Variants in KCTD9 observed in about 807,000 individuals in gnomAD.
The protein encoded by KCTD9 is potassium channel tetramerization domain containing 9, also known as BTB/POZ domain-containing protein KCTD9.
In KCTD9, 17 loss-of-function variants were observed where a neutral mutation model predicts 53.3. That is an observed-to-expected ratio of 0.32 (90% CI 0.22 to 0.48). The LOEUF is 0.48. KCTD9 is among the 20% of genes least tolerant of loss of function. The probability of loss-of-function intolerance (pLI) is 0.99; values close to 1 mark genes in which losing one functional copy is unlikely to be tolerated. For synonymous variants in KCTD9, 128 were observed against 162.7 expected (o/e 0.79, Z 1.62); for missense variants, 179 against 465.5 (o/e 0.38, Z 5.66).
chr8:25,448,006 TAGTCTTA>T (rs1413184023), intron 1 of KCTD9, among the ~76,000 whole-genome samples: 4 of 152,040 alleles, frequency 2.6e-5, no homozygotes. Context: ...CACATGCCTG[TAGTCTTA>T]GCTGCTTGGG....
intron 6 of KCTD9, among the ~76,000 whole-genome samples, chr8:25,436,808 A>G (rs1435348362): frequency 6.6e-6 from 1 of 152,218 alleles, no homozygotes; most frequent in Non-Finnish European, 1.5e-5. Context: ...AAAAAAATGT[A>G]CATCCTTTAC....
rs377317200 is a variant in KCTD9 at position 25,436,190 on chromosome 8, T to C, written c.663+45A>G. On this transcript the variant is annotated intron_variant, in intron 8 of 11. Transcript: ENST00000221200. ...CTAGAAGAATGTAAAATTTTATTCA[T>C]AGATTTGCTGATAGAAATAATTGAT... 245 of 1,179,174 alleles carry C rather than the reference T, an allele frequency of 2.1e-4. 2 individuals carry two copies. Among genetic ancestry groups the C allele is most frequent in the Non-Finnish European group, 2.5e-4 (199 of 788,056 alleles). 73.0% of individuals were successfully genotyped at this position (1,179,174 alleles called of 1,614,324 possible).
chr8:25,439,803 A>AAAACG, intron 4 of KCTD9, 139 bp from the exon 5 acceptor site: 1 of 1,482,018 alleles, frequency 6.7e-7, no homozygotes, highest in Non-Finnish European at 9.0e-7. Context: ...CTGGGAAACA[A>AAAACG]AAACGTGCAG....
At chr8:25,434,441 CTT>C (rs11309645) in intron 9 of KCTD9, among the ~76,000 whole-genome samples, 2 of 149,058 alleles carry the variant, frequency 1.3e-5, no homozygotes, top group African/African-American at 2.5e-5. Context: ...TGACAAACAT[CTT>C]TTTTTTTTTG....
chr8:25,444,644 T>C (rs375271334), intron 2 of KCTD9, among the ~76,000 whole-genome samples: 5 of 152,172 alleles, frequency 3.3e-5, no homozygotes, highest in South Asian at 2.1e-4. Flanking sequence ...GCTGAAAGGA[T>C]AGATTAAAGT....
intron 1 of KCTD9, among the ~76,000 whole-genome samples, chr8:25,453,155 G>GAGATCA (rs1802362133): frequency 6.6e-6 from 1 of 152,076 alleles, no homozygotes; most frequent in East Asian, 1.9e-4. Context: ...GAGGTCAGCC[G>GAGATCA]AGACCAGCCT....
intron 11 of KCTD9, among the ~76,000 whole-genome samples, chr8:25,431,807 A>G (rs1801935558): frequency 6.6e-6 from 1 of 152,170 alleles, no homozygotes. Flanking sequence ...CTAAATTTTG[A>G]CATACCGTTC....
At chr8:25,444,779 T>C (rs372094257) in intron 2 of KCTD9, among the ~76,000 whole-genome samples, 2 of 152,184 alleles carry the variant, frequency 1.3e-5, no homozygotes, top group East Asian at 3.8e-4. Flanking sequence ...GTAACTCTAC[T>C]GTCAGTGTTT....
In KCTD9 at chr8:25,439,678, G is replaced by GA. The variant is rs773748570; in HGVS notation, c.312-15dup. ...ACTAAAGTGCTCCTAAGAATTCAGG[G>GA]AAAAAAATTGATTTCTCCATTTGTC... On this transcript the variant is annotated splice_polypyrimidine_tract_variant and intron_variant, in intron 4 of 11. Coordinates refer to ENST00000221200, the MANE Select transcript of KCTD9 (RefSeq NM_017634.4). The GA allele has an allele frequency of 3.1e-6, 5 of 1,613,194 alleles. No homozygotes were observed. The highest frequency in any genetic ancestry group is 2.2e-5 in the South Asian group (2 of 90,988).
At chr8:25,444,158 A>G in intron 3 of KCTD9, 134 bp downstream of exon 3, 2 of 789,086 alleles carry the variant, frequency 2.5e-6, no homozygotes, top group South Asian at 3.3e-5. Context: ...TGCAGAATCA[A>G]AAAGTGTGAA....
Position 25,429,738 on chromosome 8 carries a change from G to A in KCTD9, c.*119C>T, listed in dbSNP as rs774603158. ...TCAAAACAAGCATAATCCTCTAAAT[G>A]TTTTTTTTTTAAATTTCCTTACAGT... is the stretch of plus-strand genomic sequence containing the variant. On this transcript the variant is annotated 3_prime_UTR_variant, in exon 12 of 12. Transcript: ENST00000221200. 3.2e-6 allele frequency: 2 copies of A among 631,692 alleles called. No individual in the cohort carries two copies. The highest frequency in any genetic ancestry group is 5.8e-6 in the Non-Finnish European group (2 of 346,856). 39.1% of individuals were successfully genotyped at this position (631,692 alleles called of 1,614,324 possible).
At position 25,458,405 on chromosome 8, in the gene KCTD9, G is replaced by T; in HGVS notation, c.-159C>A. The T allele has an allele frequency of 1.3e-6, 1 of 784,940 alleles. No homozygotes were observed. The highest frequency in any genetic ancestry group is 2.1e-6 in the Non-Finnish European group (1 of 473,326). The allele number at this position is 784,940 out of a possible 1,614,324, so 48.6% of individuals were successfully genotyped here. A position where few individuals can be genotyped will look rare whatever the true frequency, so the allele number is the denominator to read the frequency against. ...GGGACACACCACACGCACGCACTCT[G>T]TCCCACACCCAAGGTTCGGCCGGTC... is the stretch of plus-strand genomic sequence containing the variant. On this transcript the variant is annotated 5_prime_UTR_variant, in exon 1 of 12. Coordinates refer to ENST00000221200, the MANE Select transcript of KCTD9 (RefSeq NM_017634.4).
chr8:25,440,529 A>G (rs1802103230), intron 4 of KCTD9, 48 bp downstream of exon 4: 3 of 1,190,784 alleles, frequency 2.5e-6, no homozygotes, highest in Admixed American at 1.7e-5. Context: ...AAGGGTACAC[A>G]GTGCTTCTTT....
chr8:25,436,152 T>A (rs947245315), intron 8 of KCTD9, 83 bp downstream of exon 8: 1 of 875,458 alleles, frequency 1.1e-6, no homozygotes, highest in African/African-American at 1.7e-5. Context: ...CAAAGCAAGA[T>A]AATCCCAAAA....
intron 2 of KCTD9, among the ~76,000 whole-genome samples, chr8:25,444,655 C>T (rs555030091): frequency 6.6e-6 from 1 of 152,282 alleles, no homozygotes; most frequent in African/African-American, 2.4e-5. Context: ...AGATTAAAGT[C>T]ACAGCCAACT....
intron 6 of KCTD9, among the ~76,000 whole-genome samples, chr8:25,438,039 G>GA (rs1442048663): frequency 6.6e-5 from 10 of 152,042 alleles, no homozygotes; most frequent in African/African-American, 2.4e-4. Flanking sequence ...TTTATAAAAT[G>GA]AATCCAGCAG....
chr8:25,436,147 C>A, intron 8 of KCTD9, 88 bp downstream of exon 8: 3 of 845,684 alleles, frequency 3.5e-6, no homozygotes, highest in Non-Finnish European at 6.0e-6. Context: ...AAAAACAAAG[C>A]AAGATAATCC....
intron 1 of KCTD9, among the ~76,000 whole-genome samples, chr8:25,447,754 T>G (rs1467485576): frequency 1.3e-5 from 2 of 152,152 alleles, no homozygotes; most frequent in East Asian, 3.8e-4. Flanking sequence ...AAAAATAATG[T>G]ACAACCCAAG....
chr8:25,444,243 CT>C (rs57257880), intron 3 of KCTD9, 48 bp downstream of exon 3: 11,327 of 951,888 alleles, frequency 0.012, no homozygotes, highest in South Asian at 0.014. Context: ...GTCATTCCAT[CT>C]TTTTTTTTTT....
Sources: allele counts gnomAD v4.1 joint callset (sites outside exome capture counted in the v4.1 genomes callset), GRCh38; gene constraint gnomAD v4.1.1; transcripts MANE v1.5; gene names NCBI Gene and HGNC (gene_info 2026-07-23, HGNC 2026-07-21).